Variants in CYP51A1 observed in about 807,000 individuals in gnomAD.
CYP51A1 encodes the protein cytochrome P450 family 51 subfamily A member 1.
A neutral mutation model predicts 53.5 loss-of-function variants in CYP51A1; 45 were observed. The observed-to-expected ratio is 0.84, with a 90% CI of 0.66 to 1.08. The LOEUF (loss-of-function observed/expected upper bound fraction) is 1.08, where lower values mean the gene tolerates loss of function less well. Ranked by LOEUF, CYP51A1 falls within the 50% of genes least tolerant of loss-of-function variation. The pLI is 0.00. For missense variants in CYP51A1, 462 were observed against 621.7 expected (o/e 0.74, Z 2.73); for synonymous variants, 181 against 217.7 (o/e 0.83, Z 1.48).
chr7:92,129,563 C>A (rs1819876763), intron 2 of CYP51A1, among the ~76,000 whole-genome samples: 1 of 152,172 alleles, frequency 6.6e-6, no homozygotes, highest in Admixed American at 6.5e-5. Context: ...CTCACCTACA[C>A]TAAATGACTT....
chr7:92,120,539 C>T (rs1292671508), intron 7 of CYP51A1, among the ~76,000 whole-genome samples: 1 of 152,192 alleles, frequency 6.6e-6, no homozygotes, highest in Non-Finnish European at 1.5e-5. Context: ...CTTCCCATCT[C>T]AGCTTCTCAG....
chr7:92,134,523 T>A (rs1033194254), upstream of CYP51A1: 31 of 695,086 alleles, frequency 4.5e-5, no homozygotes, highest in Non-Finnish European at 6.3e-5. Context: ...ACCCCGTGCG[T>A]CACAGAATGG....
In CYP51A1 at chr7:92,115,959, C is replaced by T. The variant is rs150127284; in HGVS notation, c.1351+1085G>A. Among the ~76,000 whole-genome samples, 533 of 152,328 alleles carry T rather than the reference C, an allele frequency of 3.5e-3. 5 individuals carry two copies. The highest frequency in any genetic ancestry group is 0.012 in the African/African-American group (502 of 41,580). The stretch of plus-strand genomic sequence containing the variant: ...CAGAATTTGGGCTACAGAACTAATG[C>T]TCTTCCCATCTGTTAACAATCTGAT... On this transcript the variant is annotated intron_variant, in intron 9 of 9. Coordinates refer to ENST00000003100, the MANE Select transcript of CYP51A1 (RefSeq NM_000786.4).
chr7:92,131,400 CAGA>C (rs1454437668), intron 2 of CYP51A1, among the ~76,000 whole-genome samples: 1 of 152,050 alleles, frequency 6.6e-6, no homozygotes, highest in Non-Finnish European at 1.5e-5. Context: ...AGTGAAATCA[CAGA>C]AGATGTATAG....
intron 7 of CYP51A1, among the ~76,000 whole-genome samples, chr7:92,121,641 CA>C (rs1449801844): frequency 6.6e-6 from 1 of 152,196 alleles, no homozygotes; most frequent in African/African-American, 2.4e-5. Context: ...TTGGTAATAA[CA>C]AAGACTGAAG....
At chr7:92,131,926 C>T in intron 1 of CYP51A1, 54 bp from the exon 2 acceptor site, 8 of 1,134,982 alleles carry the variant, frequency 7.0e-6, no homozygotes, top group Non-Finnish European at 1.1e-5. Flanking sequence ...AAGAGAGAAA[C>T]CCAGTTTCGT....
chr7:92,119,620 C>T (rs1819646446), intron 7 of CYP51A1, among the ~76,000 whole-genome samples: 1 of 152,140 alleles, frequency 6.6e-6, no homozygotes, highest in Non-Finnish European at 1.5e-5. Flanking sequence ...ACAACAACAA[C>T]AAAGAGCCAG....
At chr7:92,134,132 T>G in intron 1 of CYP51A1, 41 bp downstream of exon 1, 1 of 1,597,184 alleles carries the variant, frequency 6.3e-7, no homozygotes, top group African/African-American at 1.3e-5. Flanking sequence ...CCGCCTCAGC[T>G]GCGGCGCGCG....
chr7:92,134,039 G>A (rs954824619), intron 1 of CYP51A1, 134 bp downstream of exon 1: 1 of 824,436 alleles, frequency 1.2e-6, no homozygotes, highest in Non-Finnish European at 1.8e-6. Flanking sequence ...CCAAAGCCAC[G>A]CCAAGCATGG....
rs992248889 is a variant in CYP51A1, at chr7:92,112,343, C to G, written c.*1322G>C. On this transcript the variant is annotated 3_prime_UTR_variant, in exon 10 of 10. Coordinates refer to ENST00000003100, the MANE Select transcript of CYP51A1 (RefSeq NM_000786.4). ...TCTCATATAGTTAGGCCCCGAGTTACAATTTGAGATAAGTTGATTCCTAAA... is the reference window on the plus strand; with the variant it reads ...TCTCATATAGTTAGGCCCCGAGTTAGAATTTGAGATAAGTTGATTCCTAAA... 26 of 152,262 alleles carry G rather than the reference C, an allele frequency of 1.7e-4. No homozygotes were observed. The highest frequency in any genetic ancestry group is 1.4e-3 in the Admixed American group (21 of 15,290). The allele number at this position is 152,262 out of a possible 1,614,324, so 9.4% of individuals were successfully genotyped here.
At position 92,117,154 on chromosome 7, in the gene CYP51A1, T is replaced by A; in HGVS notation, c.1241A>T (p.Asn414Ile). 6.2e-7 allele frequency: 1 copy of A among 1,614,118 alleles called. No homozygotes were observed. The highest frequency in any genetic ancestry group is 8.5e-7 in the Non-Finnish European group (1 of 1,179,994). ...TACCCATGAGTCTTTAAGTCTTTGATTGACAGTGGGAGAAACACACACCTG... is the reference window on the plus strand; with the variant it reads ...TACCCATGAGTCTTTAAGTCTTTGAATGACAGTGGGAGAAACACACACCTG... ...GHQVCVSPTV[N>I]QRLKDSWVER... The change falls in exon 9 of 10, where the codon AAT becomes ATT. Residue 414 changes from asparagine (N) to isoleucine (I), a missense_variant. Transcript: ENST00000003100.
chr7:92,117,156 G>A lies in CYP51A1; in HGVS notation c.1239C>T (p.Val413=). ...CCCATGAGTCTTTAAGTCTTTGATTGACAGTGGGAGAAACACACACCTGAT... is the reference window on the plus strand; with the variant it reads ...CCCATGAGTCTTTAAGTCTTTGATTAACAGTGGGAGAAACACACACCTGAT... ...PGHQVCVSPT[V]NQRLKDSWVE... Residue 413 remains valine, a synonymous_variant, in exon 9 of 10, where the codon GTC becomes GTT. Coordinates refer to ENST00000003100, the MANE Select transcript of CYP51A1 (RefSeq NM_000786.4). 1 of 1,614,066 alleles carries A rather than the reference G, an allele frequency of 6.2e-7. No individual in the cohort carries two copies. Among genetic ancestry groups the A allele is most frequent in the Middle Eastern group, 1.6e-4 (1 of 6,062 alleles).
Position 92,112,379 on chromosome 7 carries a change from T to C in CYP51A1, c.*1286A>G, listed in dbSNP as rs1231780279. On this transcript the variant is annotated 3_prime_UTR_variant, in exon 10 of 10. Transcript: ENST00000003100. Reference sequence around the variant, plus strand: ...AAGTTGATTCCTAAACAGAATGTGCTTTACAGAATGTGACCAATTTTATTA... The same window carrying C: ...AAGTTGATTCCTAAACAGAATGTGCCTTACAGAATGTGACCAATTTTATTA... 6.6e-6 allele frequency: 1 copy of C among 152,238 alleles called. No individual in the cohort carries two copies. Among genetic ancestry groups the C allele is most frequent in the East Asian group, 1.9e-4 (1 of 5,200 alleles). The allele number at this position is 152,238 out of a possible 1,614,324, so 9.4% of individuals were successfully genotyped here. A position where few individuals can be genotyped will look rare whatever the true frequency, so the allele number is the denominator to read the frequency against.
chr7:92,133,913 A>C (rs1459866042), intron 1 of CYP51A1, among the ~76,000 whole-genome samples: 1 of 152,162 alleles, frequency 6.6e-6, no homozygotes, highest in Non-Finnish European at 1.5e-5. Flanking sequence ...TCAGATACAC[A>C]GCCGGGGAGG....
At chr7:92,121,236 C>G (rs911670079) in intron 7 of CYP51A1, among the ~76,000 whole-genome samples, 1 of 150,798 alleles carries the variant, frequency 6.6e-6, no homozygotes, top group Non-Finnish European at 1.5e-5. Flanking sequence ...AAGCCAAGGT[C>G]GCGCCATTGC....
In CYP51A1 at chr7:92,117,216, T is replaced by C; in HGVS notation, c.1183-4A>G. 2 of 1,607,368 alleles carry C rather than the reference T, an allele frequency of 1.2e-6. No homozygotes were observed. Among genetic ancestry groups the C allele is most frequent in the Non-Finnish European group, 1.7e-6 (2 of 1,177,588 alleles). On this transcript the variant is annotated splice_polypyrimidine_tract_variant and splice_region_variant and intron_variant, in intron 8 of 9. Transcript: ENST00000003100. Reference sequence around the variant, plus strand: ...GAATGGTATACCCTGCCACAGTCTATAAACAAAAGCCACACATTTCATTAG... The same window carrying C: ...GAATGGTATACCCTGCCACAGTCTACAAACAAAAGCCACACATTTCATTAG...
chr7:92,126,284 A>G lies in CYP51A1; in HGVS notation c.739T>C (p.Leu247=), dbSNP rs76555790. 6.2e-7 allele frequency: 1 copy of G among 1,607,764 alleles called. No homozygotes were observed. The highest frequency in any genetic ancestry group is 2.2e-5 in the East Asian group (1 of 44,858). Residue 247 remains leucine, a synonymous_variant, in exon 5 of 10, where the codon TTA becomes CTA. Coordinates refer to ENST00000003100, the MANE Select transcript of CYP51A1 (RefSeq NM_000786.4). ...CTAGGCAAAGGCAGCCAACCTGGTA[A>G]GAGCCAGGCTGCATGGCTGAAACCT... ...DGGFSHAAWL[L]PGWLPLPSFR...
In CYP51A1 at chr7:92,126,285, G is replaced by A; in HGVS notation, c.738C>T (p.Leu246=). 1 of 1,610,106 alleles carries A rather than the reference G, an allele frequency of 6.2e-7. No homozygotes were observed. The highest frequency in any genetic ancestry group is 8.5e-7 in the Non-Finnish European group (1 of 1,179,192). The change falls in exon 5 of 10, where the codon CTC becomes CTT. Residue 246 remains leucine, a synonymous_variant. Coordinates refer to ENST00000003100, the MANE Select transcript of CYP51A1 (RefSeq NM_000786.4). Reference sequence around the variant, plus strand: ...TAGGCAAAGGCAGCCAACCTGGTAAGAGCCAGGCTGCATGGCTGAAACCTC... The same window carrying A: ...TAGGCAAAGGCAGCCAACCTGGTAAAAGCCAGGCTGCATGGCTGAAACCTC... The part of the protein sequence containing the change: ...LDGGFSHAAW[L]LPGWLPLPSF...
chr7:92,130,323 T>C (rs978264912), intron 2 of CYP51A1, among the ~76,000 whole-genome samples: 1 of 152,198 alleles, frequency 6.6e-6, no homozygotes, highest in Non-Finnish European at 1.5e-5. Flanking sequence ...TTCACAGAGC[T>C]GCTGCCAAAT....
Sources: allele counts gnomAD v4.1 joint callset (sites outside exome capture counted in the v4.1 genomes callset), GRCh38; gene constraint gnomAD v4.1.1; transcripts MANE v1.5; gene names NCBI Gene and HGNC (gene_info 2026-07-23, HGNC 2026-07-21).